The following RIGI variants were observed in gnomAD, a reference collection of about 807,000 sequenced individuals.
RIGI encodes antiviral innate immune response receptor RIG-I.
At chr9:32,461,896 T>C in the RIGI span, among the ~76,000 whole-genome samples, 3 of 152,348 alleles carry the variant, frequency 2.0e-5, no homozygotes, top group South Asian at 6.2e-4. Context: ...GCTTTCAATA[T>C]GGTTTGTGAC....
the RIGI span, among the ~76,000 whole-genome samples, chr9:32,517,742 T>A: frequency 6.6e-6 from 1 of 152,208 alleles, no homozygotes; most frequent in Non-Finnish European, 1.5e-5. Context: ...ATCTTCTGAG[T>A]TATTGATCAA....
At chr9:32,488,649 TA>T in the RIGI span, 1 of 1,355,868 alleles carries the variant, frequency 7.4e-7, no homozygotes, top group Non-Finnish European at 9.8e-7. Flanking sequence ...TAAATTTTTT[TA>T]AATCATTTGT....
chr9:32,481,510 A>T, the RIGI span: 1 of 1,548,516 alleles, frequency 6.5e-7, no homozygotes. Context: ...GTTAAAAAAA[A>T]AAAAAAAAGT....
the RIGI span, among the ~76,000 whole-genome samples, chr9:32,484,684 C>T: frequency 6.6e-6 from 1 of 152,206 alleles, no homozygotes; most frequent in South Asian, 2.1e-4. Flanking sequence ...ATCTTTATTA[C>T]GTCACTAATC....
chr9:32,488,239 G>A, the RIGI span: 61 of 1,600,426 alleles, frequency 3.8e-5, 1 homozygote, highest in African/African-American at 5.2e-4. Flanking sequence ...TACTAACCAC[G>A]ATGTGGATAA....
chr9:32,508,241 T>TTTTTTTTTTTTTTTTTTTTTTTG, the RIGI span, among the ~76,000 whole-genome samples: 1 of 129,262 alleles, frequency 7.7e-6, no homozygotes, highest in Non-Finnish European at 1.6e-5. Context: ...TTTACTTAAT[T>TTTTTTTTTTTTTTTTTTTTTTTG]TTTTTTTTTT....
At chr9:32,514,304 A>G in the RIGI span, among the ~76,000 whole-genome samples, 1 of 152,226 alleles carries the variant, frequency 6.6e-6, no homozygotes, top group Admixed American at 6.5e-5. Flanking sequence ...TGTTCACAAC[A>G]GCAAAGACTT....
the RIGI span, among the ~76,000 whole-genome samples, chr9:32,470,383 A>G: frequency 5.3e-4 from 81 of 152,366 alleles, 1 homozygote; most frequent in Middle Eastern, 3.4e-3. Context: ...CAACACTGCC[A>G]TTATAGTTGG....
At chr9:32,522,330 T>G in the RIGI span, among the ~76,000 whole-genome samples, 1 of 152,204 alleles carries the variant, frequency 6.6e-6, no homozygotes, top group African/African-American at 2.4e-5. Context: ...ATTTTCTCTC[T>G]CCCTAATTTC....
the RIGI span, among the ~76,000 whole-genome samples, chr9:32,499,324 T>TTTTG: frequency 2.0e-5 from 3 of 148,262 alleles, no homozygotes; most frequent in Admixed American, 6.7e-5. Context: ...TTGTTTTTTT[T>TTTTG]TTTTTTTTTT....
At chr9:32,492,646 T>C in the RIGI span, 23 of 1,312,266 alleles carry the variant, frequency 1.8e-5, no homozygotes, top group Non-Finnish European at 2.5e-5. Context: ...AAAGCCATTG[T>C]ACATTACAGC....
At chr9:32,467,470 T>C in the RIGI span, among the ~76,000 whole-genome samples, 76 of 152,324 alleles carry the variant, frequency 5.0e-4, no homozygotes, top group African/African-American at 1.8e-3. Flanking sequence ...AGCACCACCA[T>C]GAAAGGTTTA....
At chr9:32,523,077 C>T in the RIGI span, among the ~76,000 whole-genome samples, 1 of 152,124 alleles carries the variant, frequency 6.6e-6, no homozygotes, top group Non-Finnish European at 1.5e-5. Context: ...TTTCCAACAC[C>T]TAGTTATATT....
At chr9:32,518,003 C>T in the RIGI span, among the ~76,000 whole-genome samples, 2 of 152,270 alleles carry the variant, frequency 1.3e-5, no homozygotes, top group Admixed American at 1.3e-4. Context: ...TGGAATGGTT[C>T]TCATCTATAA....
At chr9:32,455,492 C>T in the RIGI span, among the ~76,000 whole-genome samples, 7 of 152,154 alleles carry the variant, frequency 4.6e-5, no homozygotes, top group Non-Finnish European at 8.8e-5. Flanking sequence ...AACTAACTCA[C>T]TATCCCAAGA....
At chr9:32,467,523 T>C in the RIGI span, among the ~76,000 whole-genome samples, 6 of 152,140 alleles carry the variant, frequency 3.9e-5, no homozygotes, top group East Asian at 1.2e-3. Flanking sequence ...GAATTATTCT[T>C]CCATAAATAT....
the RIGI span, among the ~76,000 whole-genome samples, chr9:32,521,487 A>T: frequency 6.6e-6 from 1 of 152,180 alleles, no homozygotes; most frequent in Non-Finnish European, 1.5e-5. Context: ...TTTTGTAGCG[A>T]CCTGTGATCC....
At chr9:32,480,436 CG>C in the RIGI span, 11 of 1,346,308 alleles carry the variant, frequency 8.2e-6, no homozygotes, top group Middle Eastern at 2.1e-4. Flanking sequence ...TTGTATTTAA[CG>C]AATTGTTTTA....
chr9:32,487,884 A>G, the RIGI span: 1 of 1,572,284 alleles, frequency 6.4e-7, no homozygotes, highest in Non-Finnish European at 8.6e-7. Flanking sequence ...CATAAGAGTA[A>G]GAAAATAGGA....
Sources: gnomAD v4.1 joint callset for allele counts (sites outside exome capture counted in the v4.1 genomes callset) on GRCh38, gnomAD v4.1.1 for gene constraint, MANE v1.5 for transcripts, NCBI Gene and HGNC (gene_info 2026-07-23, HGNC 2026-07-21) for gene names.